Variants in GNB5 observed in about 807,000 individuals in gnomAD.
GNB5 encodes G protein subunit beta 5.
GNB5 carries 37 observed loss-of-function variants against 55.3 expected under a neutral mutation model. The ratio of observed to expected loss-of-function variants is 0.67; its 90% CI spans 0.51 to 0.88. The LOEUF is 0.88. Ranked by LOEUF, GNB5 falls within the 40% of genes least tolerant of loss-of-function variation. The pLI, the probability that GNB5 is intolerant of heterozygous loss-of-function variation, is 0.00. For missense variants in GNB5, 476 were observed against 515.3 expected, an observed-to-expected ratio of 0.92 and a Z score of 0.74; for synonymous variants, 219 against 198.5, an observed-to-expected ratio of 1.10 and a Z score of -0.87.
intron 7 of GNB5, chr15:52,137,467 A>T: frequency 9.8e-7 from 1 of 1,017,702 alleles, no homozygotes; most frequent in Non-Finnish European, 1.2e-6. Flanking sequence ...CTCAGTCTGA[A>T]GCCAAGAGAG....
intron 1 of GNB5, among the ~76,000 whole-genome samples, chr15:52,185,944 A>C (rs967928501): frequency 1.3e-5 from 2 of 151,982 alleles, no homozygotes; most frequent in African/African-American, 4.8e-5. Flanking sequence ...ATGCCAGGCT[A>C]ATTTTTGTAT....
intron 3 of GNB5, among the ~76,000 whole-genome samples, chr15:52,168,325 C>G (rs1377437888): frequency 6.6e-6 from 1 of 151,966 alleles, no homozygotes; most frequent in Non-Finnish European, 1.5e-5. Context: ...AATCAATGTG[C>G]AAAAATCACT....
chr15:52,179,687 C>G, intron 3 of GNB5, 81 bp downstream of exon 3: 7 of 809,288 alleles, frequency 8.6e-6, no homozygotes, highest in Admixed American at 4.3e-5. Context: ...GCCACGACCG[C>G]CCCCACCGCC....
At chr15:52,173,745 AC>A (rs1384726112) in intron 3 of GNB5, among the ~76,000 whole-genome samples, 1 of 152,204 alleles carries the variant, frequency 6.6e-6, no homozygotes, top group Non-Finnish European at 1.5e-5. Flanking sequence ...TAGAGTAGCT[AC>A]AAAATCTTAG....
chr15:52,147,595 C>CT (rs979104137), intron 5 of GNB5, 60 bp from the exon 6 acceptor site: 727 of 783,862 alleles, frequency 9.3e-4, no homozygotes, highest in East Asian at 1.6e-3. Flanking sequence ...TTTTTTTTTT[C>CT]TTTTTTTTTG....
rs60072605 is a variant in GNB5, at chr15:52,122,889, T to TAC, written c.1177-123_1177-122dup. 10,322 of 712,020 alleles carry TAC rather than the reference T, an allele frequency of 0.014. 357 individuals carry two copies. The highest frequency in any genetic ancestry group is 0.13 in the African/African-American group (7,004 of 53,918). 44.1% of individuals were successfully genotyped at this position (712,020 alleles called of 1,614,324 possible). A position where few individuals can be genotyped will look rare whatever the true frequency, so the allele number is the denominator to read the frequency against. On this transcript the variant is annotated intron_variant, in intron 12 of 12. Coordinates refer to ENST00000261837, the MANE Select transcript of GNB5 (RefSeq NM_016194.4). ...GCATGGGCATACATATATGTGTGTG[T>TAC]ACACACACACACACACAAACATACA...
At chr15:52,128,655 T>C (rs1176910617) in intron 9 of GNB5, 3 of 477,820 alleles carry the variant, frequency 6.3e-6, no homozygotes, top group South Asian at 1.5e-5. Flanking sequence ...TGCGATACTT[T>C]TGGCAAATGA....
In GNB5 at chr15:52,132,636, A is replaced by ATT. The variant is rs1216272462; in HGVS notation, c.863+740_863+741dup. Among the ~76,000 whole-genome samples the ATT allele has an allele frequency of 1.3e-4, 17 of 134,806 alleles. 1 individual carries two copies. Among genetic ancestry groups the ATT allele is most frequent in the Middle Eastern group, 4.1e-3 (1 of 244 alleles). 88.4% of individuals were successfully genotyped at this position (134,806 alleles called of 152,430 possible). ...CTCCACACATCACCATGCCCTGCTAATTTTTTTTTTTTTTTTGGTAGAGAC... is the reference window on the plus strand; with the variant it reads ...CTCCACACATCACCATGCCCTGCTAATTTTTTTTTTTTTTTTTTGGTAGAGAC... On this transcript the variant is annotated intron_variant, in intron 9 of 12. Coordinates refer to ENST00000261837, the MANE Select transcript of GNB5 (RefSeq NM_016194.4).
Position 52,124,544 on chromosome 15 carries a change from G to C in GNB5, c.1105C>G (p.Arg369Gly). ...GGGGAAACTCGTAGAGTGCTAACGC[G>C]GTTTTCATGTCCAAACAGGATGGAG... Reference protein sequence around the residue: ...RVSILFGHENRVSTLRVSPDG... With the variant: ...RVSILFGHENGVSTLRVSPDG... The change falls in exon 12 of 13, where the codon CGC (arginine) becomes GGC (glycine). Residue 369 changes from arginine (R) to glycine (G), a missense_variant. Arg to Gly is a moderately radical substitution (Grantham distance 125). Transcript: ENST00000261837. 6.2e-7 allele frequency: 1 copy of C among 1,613,528 alleles called. No individual in the cohort carries two copies. The highest frequency in any genetic ancestry group is 8.5e-7 in the Non-Finnish European group (1 of 1,179,414).
chr15:52,181,519 G>A (rs4776013), intron 2 of GNB5, among the ~76,000 whole-genome samples: 27,729 of 152,146 alleles, frequency 0.18, 2,792 homozygotes, highest in Admixed American at 0.27. Flanking sequence ...AGGAGGCTGA[G>A]GCACGAGAAT....
intron 7 of GNB5, 46 bp from the exon 8 acceptor site, chr15:52,135,802 T>C: frequency 6.2e-7 from 1 of 1,602,104 alleles, no homozygotes; most frequent in Non-Finnish European, 8.5e-7. Context: ...GGTTATTGCT[T>C]ATGCCGGGGG....
At position 52,160,238 on chromosome 15, in the gene GNB5, G is replaced by A. The variant is rs138196445; in HGVS notation, c.239-6162C>T. 2.2e-3 allele frequency among the ~76,000 whole-genome samples: 336 copies of A among 152,336 alleles called. 10 individuals are homozygous for A. Among genetic ancestry groups the A allele is most frequent in the South Asian group, 0.016 (77 of 4,824 alleles). ...GTTGGGATTACAGGCATGAGCCACTGCGCCTGGCCAGGAAATTAGCTTCTT... is the reference window on the plus strand; with the variant it reads ...GTTGGGATTACAGGCATGAGCCACTACGCCTGGCCAGGAAATTAGCTTCTT... On this transcript the variant is annotated intron_variant, in intron 3 of 12. Coordinates refer to ENST00000261837, the MANE Select transcript of GNB5 (RefSeq NM_016194.4).
chr15:52,179,651 G>A (rs555900029), intron 3 of GNB5, 117 bp downstream of exon 3: 25 of 497,608 alleles, frequency 5.0e-5, no homozygotes, highest in African/African-American at 4.5e-4. Context: ...CTCCCGGGCG[G>A]TGGCGCGGGC....
At chr15:52,122,929 T>C (rs1304775993) in intron 12 of GNB5, among the ~76,000 whole-genome samples, 161 bp from the exon 13 acceptor site, 1 of 152,032 alleles carries the variant, frequency 6.6e-6, no homozygotes, top group Non-Finnish European at 1.5e-5. Context: ...CCATCCAAAA[T>C]AGGGTGCTCA....
intron 6 of GNB5, among the ~76,000 whole-genome samples, chr15:52,146,941 A>G (rs1019276782): frequency 7.9e-5 from 12 of 151,838 alleles, no homozygotes; most frequent in South Asian, 2.1e-4. Context: ...TGGCTTTTCT[A>G]TGTTTTGGAT....
At chr15:52,153,386 C>A (rs1184926232) in intron 4 of GNB5, among the ~76,000 whole-genome samples, 1 of 152,190 alleles carries the variant, frequency 6.6e-6, no homozygotes, top group Non-Finnish European at 1.5e-5. Flanking sequence ...TGAGCCCGAA[C>A]CACCCAATGG....
chr15:52,154,033 G>T lies in GNB5; in HGVS notation c.282C>A (p.Val94=). Reference sequence around the variant, plus strand: ...CTTTGAGGGTCCTTCTGGTCTTCATGACAAACTGCCCCAGGGCCTCCACCC... The same window carrying T: ...CTTTGAGGGTCCTTCTGGTCTTCATTACAAACTGCCCCAGGGCCTCCACCC... ...AERVEALGQF[V]MKTRRTLKGH... Residue 94 remains valine, a synonymous_variant, in exon 4 of 13, where the codon GTC becomes GTA. Transcript: ENST00000261837. 6.2e-7 allele frequency: 1 copy of T among 1,614,066 alleles called. No homozygotes were observed. Among genetic ancestry groups the T allele is most frequent in the Non-Finnish European group, 8.5e-7 (1 of 1,179,930 alleles).
rs1491543202 is a variant in GNB5 at position 52,142,562 on chromosome 15, T to TG, written c.495-1291_495-1290insC. Among the ~76,000 whole-genome samples, 8 of 108,220 alleles carry TG rather than the reference T, an allele frequency of 7.4e-5. No homozygotes were observed. The South Asian group carries it at 9.8e-4, about 13-fold the overall frequency. 71.0% of individuals were successfully genotyped at this position (108,220 alleles called of 152,430 possible). ...TTGGGGCCTCTTCAAGCCAGCTGTG[T>TG]TTTTTTTTTTAATATATGTATGACC... On this transcript the variant is annotated intron_variant, in intron 6 of 12. Coordinates refer to ENST00000261837, the MANE Select transcript of GNB5 (RefSeq NM_016194.4).
intron 7 of GNB5, chr15:52,137,353 G>C: frequency 3.8e-6 from 4 of 1,049,816 alleles, no homozygotes; most frequent in Non-Finnish European, 4.6e-6. Context: ...GGTCTTCAAG[G>C]AAGAGTGAGA....
Sources: gnomAD v4.1 joint callset for allele counts (sites outside exome capture counted in the v4.1 genomes callset) on GRCh38, gnomAD v4.1.1 for gene constraint, MANE v1.5 for transcripts, NCBI Gene and HGNC (gene_info 2026-07-23, HGNC 2026-07-21) for gene names.